The following CDH9 variants were observed in gnomAD, a reference collection of about 807,000 sequenced individuals.
CDH9 encodes cadherin 9, also known as cadherin-9.
CDH9 carries 28 observed loss-of-function variants against 70.9 expected under a neutral mutation model. The ratio of observed to expected loss-of-function variants is 0.40; its 90% CI spans 0.29 to 0.54. The LOEUF (loss-of-function observed/expected upper bound fraction) is 0.54. CDH9 is among the 20% of genes least tolerant of loss of function. CDH9 has a pLI of 0.59. For synonymous variants in CDH9, 409 were observed against 343.1 expected, an observed-to-expected ratio of 1.19 and a Z score of -2.12; for missense variants, 874 against 984.4, an observed-to-expected ratio of 0.89 and a Z score of 1.50.
intron 2 of CDH9, among the ~76,000 whole-genome samples, chr5:26,918,559 T>A (rs558477038): frequency 1.3e-5 from 2 of 152,238 alleles, no homozygotes; most frequent in African/African-American, 2.4e-5. Context: ...CTTGCCTTTT[T>A]AACATAAGTT....
intron 1 of CDH9, among the ~76,000 whole-genome samples, chr5:27,031,196 T>G (rs891455261): frequency 6.6e-6 from 1 of 151,794 alleles, no homozygotes; most frequent in Non-Finnish European, 1.5e-5. Context: ...TAATAAAAAA[T>G]TCATACCACT....
chr5:27,000,887 G>A (rs1329658597), intron 1 of CDH9, among the ~76,000 whole-genome samples: 1 of 152,100 alleles, frequency 6.6e-6, no homozygotes, highest in Admixed American at 6.6e-5. Flanking sequence ...AATGATTTAA[G>A]TTATATGACA....
chr5:26,926,301 GACA>G (rs886587435), intron 2 of CDH9, among the ~76,000 whole-genome samples: 10 of 432 alleles, frequency 0.023, no homozygotes, highest in Middle Eastern at 0.5. Context: ...ACCAATAACA[GACA>G]ACAGAGAGAC....
intron 1 of CDH9, among the ~76,000 whole-genome samples, chr5:26,995,708 C>T (rs906473010): frequency 3.9e-5 from 6 of 151,912 alleles, no homozygotes; most frequent in African/African-American, 1.4e-4. Context: ...ATTAAAAATT[C>T]TTCATATTAC....
At chr5:26,913,757 T>TTGTGTGTG (rs5866811) in intron 3 of CDH9, among the ~76,000 whole-genome samples, 109 of 145,544 alleles carry the variant, frequency 7.5e-4, no homozygotes, top group African/African-American at 2.5e-3. Context: ...ACATATATGT[T>TTGTGTGTG]TGTGTGTGTG....
Position 26,954,388 on chromosome 5 carries a change from CTTT to C in CDH9, c.228+33715_228+33717del, listed in dbSNP as rs59882843. On this transcript the variant is annotated intron_variant, in intron 2 of 11. Transcript: ENST00000231021. ...AGCTTTTCGCTATTATACAGCCTTTCTTTTTTTTTTTTTTGAGACATAGTCTCG... is the reference window on the plus strand; with the variant it reads ...AGCTTTTCGCTATTATACAGCCTTTCTTTTTTTTTTTGAGACATAGTCTCG... 7.5e-5 allele frequency among the ~76,000 whole-genome samples: 7 copies of C among 93,056 alleles called. No homozygotes were observed. The South Asian group carries it at 1.8e-3, about 24-fold the overall frequency. 61.0% of individuals were successfully genotyped at this position (93,056 alleles called of 152,430 possible).
chr5:26,996,817 A>AT (rs990633889), intron 1 of CDH9, among the ~76,000 whole-genome samples: 13 of 151,768 alleles, frequency 8.6e-5, no homozygotes, highest in East Asian at 7.8e-4. Flanking sequence ...CCATTTACTG[A>AT]TTTTTTAAGA....
intron 2 of CDH9, among the ~76,000 whole-genome samples, chr5:26,919,763 C>T (rs1741212198): frequency 6.6e-6 from 1 of 152,036 alleles, no homozygotes; most frequent in Non-Finnish European, 1.5e-5. Flanking sequence ...GGTCCTGAGG[C>T]CCCCATTTCC....
intron 2 of CDH9, among the ~76,000 whole-genome samples, chr5:26,968,256 G>C (rs1176365197): frequency 6.6e-6 from 1 of 151,856 alleles, no homozygotes; most frequent in South Asian, 2.1e-4. Context: ...ACAGGGAAAC[G>C]TTTCTGGAAT....
At chr5:26,986,690 A>C (rs112684140) in intron 2 of CDH9, among the ~76,000 whole-genome samples, 5 of 152,108 alleles carry the variant, frequency 3.3e-5, no homozygotes, top group African/African-American at 1.2e-4. Flanking sequence ...TGTCCTTTAT[A>C]CACTTCCTTG....
intron 2 of CDH9, among the ~76,000 whole-genome samples, chr5:26,983,815 A>T (rs1742443566): frequency 6.6e-6 from 1 of 152,104 alleles, no homozygotes; most frequent in Non-Finnish European, 1.5e-5. Context: ...TTCTATTTCT[A>T]TTTCTAATTT....
intron 1 of CDH9, among the ~76,000 whole-genome samples, chr5:26,998,810 A>G (rs1742713817): frequency 6.6e-6 from 1 of 152,334 alleles, no homozygotes; most frequent in Non-Finnish European, 1.5e-5. Context: ...AGACAGAAGT[A>G]TTCAATTTCA....
chr5:27,032,804 C>T (rs906084560), intron 1 of CDH9, among the ~76,000 whole-genome samples: 1 of 151,026 alleles, frequency 6.6e-6, no homozygotes, highest in Non-Finnish European at 1.5e-5. Flanking sequence ...CATTTAATAG[C>T]TTATTGACTC....
chr5:26,978,481 T>C (rs1340263178), intron 2 of CDH9, among the ~76,000 whole-genome samples: 1 of 151,880 alleles, frequency 6.6e-6, no homozygotes, highest in African/African-American at 2.4e-5. Context: ...GACAATATTA[T>C]ATTAACCAAA....
At chr5:26,985,138 T>A (rs1331600253) in intron 2 of CDH9, among the ~76,000 whole-genome samples, 1 of 152,136 alleles carries the variant, frequency 6.6e-6, no homozygotes, top group African/African-American at 2.4e-5. Context: ...TTCTGGACCT[T>A]TCACAGTGAA....
chr5:27,034,350 G>T (rs1186349175), intron 1 of CDH9, among the ~76,000 whole-genome samples: 1 of 151,470 alleles, frequency 6.6e-6, no homozygotes, highest in South Asian at 2.1e-4. Flanking sequence ...TCATATGCTC[G>T]TGTTTCATCG....
At chr5:26,927,955 G>A (rs185459052) in intron 2 of CDH9, among the ~76,000 whole-genome samples, 26 of 152,118 alleles carry the variant, frequency 1.7e-4, no homozygotes, top group African/African-American at 6.0e-4. Flanking sequence ...GGCTGTCATC[G>A]CCTTATGGCA....
At chr5:26,964,469 A>G (rs1039327270) in intron 2 of CDH9, among the ~76,000 whole-genome samples, 2 of 152,130 alleles carry the variant, frequency 1.3e-5, no homozygotes, top group East Asian at 1.9e-4. Flanking sequence ...ATTGACTGGT[A>G]GTAGTAGTAC....
At chr5:26,885,943 T>C (rs1740559169) in intron 10 of CDH9, 23 bp downstream of exon 10, 1 of 1,588,126 alleles carries the variant, frequency 6.3e-7, no homozygotes, top group Non-Finnish European at 8.6e-7. Flanking sequence ...TCATAATTTT[T>C]AGTTTTAGAA....
Sources: gnomAD v4.1 joint callset for allele counts (sites outside exome capture counted in the v4.1 genomes callset) on GRCh38, gnomAD v4.1.1 for gene constraint, MANE v1.5 for transcripts, NCBI Gene and HGNC (gene_info 2026-07-23, HGNC 2026-07-21) for gene names.